Variants in SACS observed in about 807,000 individuals in gnomAD.
SACS encodes the protein sacsin.
In SACS, 197 loss-of-function variants were observed where a neutral mutation model predicts 348.0. The ratio of observed to expected loss-of-function variants is 0.57; its 90% CI spans 0.50 to 0.64. SACS has a LOEUF of 0.64. SACS is among the 30% of genes least tolerant of loss of function. The probability of loss-of-function intolerance (pLI) is 0.00; values close to 1 mark genes in which losing one functional copy is unlikely to be tolerated. For missense variants in SACS, 4,999 were observed against 5,360.8 expected, an observed-to-expected ratio of 0.93 and a Z score of 2.11; for synonymous variants, 1,985 against 1,910.6, an observed-to-expected ratio of 1.04 and a Z score of -1.02.
Position 23,330,605 on chromosome 13 carries a change from G to T in SACS, c.13271C>A (p.Ala4424Asp), listed in dbSNP as rs1883403045. The change falls in exon 10 of 10, where the codon GCC becomes GAC. Residue 4424 changes from alanine to aspartate, a missense_variant. By Grantham distance (126) the Ala-to-Asp change is moderately radical. Around this residue, in one of 6 missense-constraint regions of SACS, gnomAD observed 254 missense variants for 275.1 expected, o/e 0.92. Transcript: ENST00000382292. Reference protein sequence around the residue: ...QQNKEKCPPSAGQTYSQRFFV... With the variant: ...QQNKEKCPPSDGQTYSQRFFV... ...GAACCTTTGAGAGTAAGTCTGTCCG[G>T]CTGAAGGGGGGCATTTTTCTTTGTT... 2 of 1,613,718 alleles carry T rather than the reference G, an allele frequency of 1.2e-6. No homozygotes were observed. The highest frequency in any genetic ancestry group is 1.7e-6 in the Non-Finnish European group (2 of 1,179,982).
chr13:23,338,254 T>G lies in SACS; in HGVS notation c.5622A>C (p.Leu1874Phe), dbSNP rs766722028. Reference protein sequence around the residue: ...KPHIGEVFCYLPLRIKTGLPV... With the variant: ...KPHIGEVFCYFPLRIKTGLPV... ...GCAAGCCTGTTTTTATTCGTAAAGG[T>G]AAATAGCAAAACACCTCTCCAATGT... is the stretch of plus-strand genomic sequence containing the variant. The change falls in exon 10 of 10, where the codon TTA becomes TTC. Residue 1874 changes from leucine (L) to phenylalanine (F), a missense_variant. Physicochemically the swap from Leu to Phe is conservative, Grantham distance 22. Around this residue, in one of 6 missense-constraint regions of SACS, gnomAD observed 3,156 missense variants for 3,380.1 expected, o/e 0.93. Transcript: ENST00000382292. 1 of 1,614,060 alleles carries G rather than the reference T, an allele frequency of 6.2e-7. No homozygotes were observed. Among genetic ancestry groups the G allele is most frequent in the Non-Finnish European group, 8.5e-7 (1 of 1,179,988 alleles).
chr13:23,354,815 C>T lies in SACS; in HGVS notation c.1797G>A (p.Lys599=), dbSNP rs746842075. 5.6e-6 allele frequency: 9 copies of T among 1,614,116 alleles called. No homozygotes were observed. The highest frequency in any genetic ancestry group is 7.6e-6 in the Non-Finnish European group (9 of 1,180,052). Residue 599 remains lysine, a synonymous_variant, in exon 8 of 10, where the codon AAG becomes AAA. Transcript: ENST00000382292. ...CATTCCCTGGTACCTTGGCAATCTGCTTCCCTGAGCTCTGGAGGTAGTTGA... is the reference window on the plus strand; with the variant it reads ...CATTCCCTGGTACCTTGGCAATCTGTTTCCCTGAGCTCTGGAGGTAGTTGA... The part of the protein sequence containing the change: ...TVLNYLQSSG[K]QIAKVPGNVD...
rs2137591155 is a variant in SACS at position 23,335,347 on chromosome 13, T to C, written c.8529A>G (p.Gln2843=). The change falls in exon 10 of 10, where the codon CAA becomes CAG. Residue 2843 remains glutamine (Q), a synonymous_variant. Transcript: ENST00000382292. This position sits in a 1 kb window ranked among gnomAD's most constrained non-coding sequence, Gnocchi z 4.7. ...SKSVISAHKN[Q]DITLFPRGGV... ...CACCACGTGGGAAAAGAGTAATATC[T>C]TGGTTCTTGTGAGCTGATATGACAC... 1 of 1,613,910 alleles carries C rather than the reference T, an allele frequency of 6.2e-7. No individual in the cohort carries two copies. Among genetic ancestry groups the C allele is most frequent in the Non-Finnish European group, 8.5e-7 (1 of 1,179,870 alleles).
At chr13:23,424,102 C>T (rs1395234933) in intron 1 of SACS, among the ~76,000 whole-genome samples, 3 of 152,018 alleles carry the variant, frequency 2.0e-5, no homozygotes, top group Non-Finnish European at 4.4e-5. Context: ...TGAATATACA[C>T]ATATCCACTA....
At chr13:23,377,763 C>T (rs187503378) in intron 2 of SACS, among the ~76,000 whole-genome samples, 13 of 152,300 alleles carry the variant, frequency 8.5e-5, no homozygotes, top group Non-Finnish European at 1.2e-4. Flanking sequence ...GCGAGACTCC[C>T]GTCCAACGCC....
rs1416487807 is a variant in SACS, at chr13:23,411,441, T to C, written c.-202A>G. 1 of 615,566 alleles carries C rather than the reference T, an allele frequency of 1.6e-6. No individual in the cohort carries two copies. Among genetic ancestry groups the C allele is most frequent in the Non-Finnish European group, 2.9e-6 (1 of 345,508 alleles). The allele number at this position is 615,566 out of a possible 1,614,324, so 38.1% of individuals were successfully genotyped here. On this transcript the variant is annotated 5_prime_UTR_variant, in exon 2 of 10. Transcript: ENST00000382292. ...ACATTGTCGTGTGTTGCATTTGTAT[T>C]CCTTAAAGTATGACTCTCCAGTCTG...
intron 2 of SACS, among the ~76,000 whole-genome samples, chr13:23,378,193 G>A (rs1261827096): frequency 1.3e-5 from 2 of 152,170 alleles, no homozygotes; most frequent in African/African-American, 4.8e-5. Flanking sequence ...TCATTTTAAT[G>A]AGAGTTTGTT....
chr13:23,343,830 CTT>C (rs1869432201), intron 9 of SACS, among the ~76,000 whole-genome samples: 1 of 152,158 alleles, frequency 6.6e-6, no homozygotes, highest in African/African-American at 2.4e-5. Context: ...AAAAAGATGA[CTT>C]TATCTTCTAC....
At chr13:23,386,909 G>A (rs1872311804) in intron 2 of SACS, among the ~76,000 whole-genome samples, 1 of 152,120 alleles carries the variant, frequency 6.6e-6, no homozygotes. Flanking sequence ...AGCAGTGAGA[G>A]AACATACCGT....
Position 23,329,995 on chromosome 13 carries a change from TAAC to T in SACS, c.*138_*140del. On this transcript the variant is annotated 3_prime_UTR_variant, in exon 10 of 10. Transcript: ENST00000382292. The stretch of plus-strand genomic sequence containing the variant: ...GGTTTTCCGTTGGTATTCATGTTCA[TAAC>T]AACTCCAGAATTCTCCAAGAACAAT... 1.3e-6 allele frequency: 1 copy of T among 790,868 alleles called. No individual in the cohort carries two copies. Among genetic ancestry groups the T allele is most frequent in the Admixed American group, 2.3e-5 (1 of 42,986 alleles). 49.0% of individuals were successfully genotyped at this position (790,868 alleles called of 1,614,324 possible).
rs781774809 is a variant in SACS at position 23,354,770 on chromosome 13, G to C, written c.1842C>G (p.Leu614=). The C allele has an allele frequency of 6.2e-7, 1 of 1,614,100 alleles. No individual in the cohort carries two copies. Among genetic ancestry groups the C allele is most frequent in the African/African-American group, 1.3e-5 (1 of 75,060 alleles). The change falls in exon 8 of 10, where the codon CTC becomes CTG. Residue 614 remains leucine (L), a synonymous_variant. Coordinates refer to ENST00000382292, the MANE Select transcript of SACS (RefSeq NM_014363.6). ...VPGNVDAAVQ[L]TAASGTTPVR... Reference sequence around the variant, plus strand: ...CAGGTGTTGTGCCAGAGGCAGCTGTGAGCTGAACAGCAGCATCCACATTCC... The same window carrying C: ...CAGGTGTTGTGCCAGAGGCAGCTGTCAGCTGAACAGCAGCATCCACATTCC...
intron 6 of SACS, among the ~76,000 whole-genome samples, chr13:23,361,987 G>C (rs774414867): frequency 5.9e-5 from 9 of 152,286 alleles, no homozygotes; most frequent in Non-Finnish European, 8.8e-5. Context: ...TGTTTACTAG[G>C]AAGAGTCCTT....
At chr13:23,423,366 A>G (rs954783515) in intron 1 of SACS, among the ~76,000 whole-genome samples, 3 of 152,156 alleles carry the variant, frequency 2.0e-5, no homozygotes, top group Non-Finnish European at 2.9e-5. Flanking sequence ...TTTAGAACCT[A>G]AGGAATGACA....
In SACS at chr13:23,399,019, CA is replaced by C. The variant is rs752943692; in HGVS notation, c.20+12200del. 2.8e-3 allele frequency among the ~76,000 whole-genome samples: 185 copies of C among 67,136 alleles called. 8 individuals are homozygous for C. The highest frequency in any genetic ancestry group is 0.026 in the Middle Eastern group (2 of 78). The allele number at this position is 67,136 out of a possible 152,430, so 44.0% of individuals were successfully genotyped here. On this transcript the variant is annotated intron_variant, in intron 2 of 9. Transcript: ENST00000382292. ...CTGGTAACAGAGTGAGACTCCATCT[CA>C]AAAAAAAAAAAAAAAAACATGGATG...
Position 23,333,291 on chromosome 13 carries a change from C to A in SACS, c.10585G>T (p.Asp3529Tyr), listed in dbSNP as rs1202575289. The A allele has an allele frequency of 6.2e-7, 1 of 1,605,642 alleles. No individual in the cohort carries two copies. Among genetic ancestry groups the A allele is most frequent in the South Asian group, 1.1e-5 (1 of 88,422 alleles). The change falls in exon 10 of 10, where the codon GAT (aspartate) becomes TAT (tyrosine). Residue 3529 changes from aspartate to tyrosine, a missense_variant. This residue lies in a region of SACS where 831 missense variants were observed against 941.8 expected (regional missense o/e 0.88). Coordinates refer to ENST00000382292, the MANE Select transcript of SACS (RefSeq NM_014363.6). ...EKLESLLIIH[D>Y]ANSRLKQAKH... ...GCTTGCTTTAGTCTACTGTTAGCAT[C>A]ATGGATTATCAATAAACTTTCCAGT...
Position 23,339,048 on chromosome 13 carries a change from T to G in SACS, c.4828A>C (p.Arg1610=), listed in dbSNP as rs2137624139. The change falls in exon 10 of 10, where the codon AGA becomes CGA. Residue 1610 remains arginine, a synonymous_variant. Transcript: ENST00000382292. The stretch of plus-strand genomic sequence containing the variant: ...AACTGATTAGGAAATTTTCTAAGTC[T>G]TTTCTGTTGTTTACTCCAATTAATT... ...IKINWSKQQK[R]LRKFPNQFKP... The G allele has an allele frequency of 2.5e-6, 4 of 1,613,326 alleles. No individual in the cohort carries two copies. The South Asian group carries it at 3.3e-5, about 13-fold the overall frequency.
Position 23,340,680 on chromosome 13 carries a change from A to G in SACS, c.3196T>C (p.Cys1066Arg), listed in dbSNP as rs936722232. ...GGGAAATAGGTTCCTTCTTCATTACAAAAGAGATCCTTTAGTACTTCTATA... is the reference window on the plus strand; with the variant it reads ...GGGAAATAGGTTCCTTCTTCATTACGAAAGAGATCCTTTAGTACTTCTATA... ...PDIEVLKDLF[C>R]NEEGTYFPPS... is the part of the protein sequence containing the mutation. The change falls in exon 10 of 10, where the codon TGT becomes CGT. Residue 1066 changes from cysteine (C) to arginine (R), a missense_variant. Cys to Arg is a radical substitution (Grantham distance 180). Transcript: ENST00000382292. The G allele has an allele frequency of 6.3e-7, 1 of 1,593,856 alleles. No individual in the cohort carries two copies. The highest frequency in any genetic ancestry group is 8.5e-7 in the Non-Finnish European group (1 of 1,173,018).
chr13:23,332,754 G>A lies in SACS; in HGVS notation c.11122C>T (p.Pro3708Ser). 1 of 1,613,948 alleles carries A rather than the reference G, an allele frequency of 6.2e-7. No individual in the cohort carries two copies. Among genetic ancestry groups the A allele is most frequent in the Non-Finnish European group, 8.5e-7 (1 of 1,179,940 alleles). ...ATGCTTAAGGGTGTAGCTTTCTCTG[G>A]AAGAATAGGGCAGGATGTCCATAAC... ...QLLWTSCPIL[P>S]EKATPLSIKE... Residue 3708 changes from proline (P) to serine (S), a missense_variant, in exon 10 of 10, where the codon CCA becomes TCA. Physicochemically the swap from Pro to Ser is moderately conservative, Grantham distance 74. Around this residue, in one of 6 missense-constraint regions of SACS, gnomAD observed 831 missense variants for 941.8 expected, o/e 0.88. Coordinates refer to ENST00000382292, the MANE Select transcript of SACS (RefSeq NM_014363.6).
At chr13:23,433,080 A>G (rs112880827) in intron 1 of SACS, among the ~76,000 whole-genome samples, 1 of 152,224 alleles carries the variant, frequency 6.6e-6, no homozygotes, top group Non-Finnish European at 1.5e-5. Context: ...CAAATATTAT[A>G]TAAGATAACC....
Sources: allele counts gnomAD v4.1 joint callset (sites outside exome capture counted in the v4.1 genomes callset), GRCh38; gene constraint gnomAD v4.1.1; regional missense constraint gnomAD v4.1.1; non-coding constraint Gnocchi (gnomAD v3.1); transcripts MANE v1.5; gene names NCBI Gene and HGNC (gene_info 2026-07-23, HGNC 2026-07-21).